Variants in CCDC102B observed in about 807,000 individuals in gnomAD.
CCDC102B encodes coiled-coil domain-containing protein 102B.
A neutral mutation model predicts 57.4 loss-of-function variants in CCDC102B; 75 were observed. The observed-to-expected ratio is 1.31, with a 90% CI of 1.08 to 1.58. The LOEUF (loss-of-function observed/expected upper bound fraction) is 1.58, where lower values mean the gene tolerates loss of function less well. Among genes scored for constraint, CCDC102B ranks in the 40% most tolerant of loss-of-function variants. The pLI is 0.00. For synonymous variants in CCDC102B, 206 were observed against 201.9 expected (o/e 1.02, Z -0.17); for missense variants, 636 against 582.6 (o/e 1.09, Z -0.94).
intron 1 of CCDC102B, among the ~76,000 whole-genome samples, chr18:68,809,626 G>A (rs544599243): frequency 4.2e-4 from 64 of 152,102 alleles, no homozygotes; most frequent in Non-Finnish European, 8.7e-4. Context: ...ATTTCCATGA[G>A]TCAGATTTTA....
intron 2 of CCDC102B, among the ~76,000 whole-genome samples, chr18:68,739,211 G>A (rs2145218784): frequency 6.6e-6 from 1 of 152,216 alleles, no homozygotes; most frequent in East Asian, 1.9e-4. Flanking sequence ...GGCCAGGCTG[G>A]TCTCAAACTC....
At chr18:68,812,539 T>G (rs987200051) in intron 1 of CCDC102B, among the ~76,000 whole-genome samples, 1 of 152,164 alleles carries the variant, frequency 6.6e-6, no homozygotes, top group African/African-American at 2.4e-5. Flanking sequence ...CTGAATAGCG[T>G]CTCTATAGTT....
intron 4 of CCDC102B, among the ~76,000 whole-genome samples, chr18:68,868,117 A>G (rs2039084265): frequency 6.6e-6 from 1 of 152,170 alleles, no homozygotes; most frequent in Non-Finnish European, 1.5e-5. Context: ...CCAAGTCCAT[A>G]TACCATTTTT....
rs140104003 is a variant in CCDC102B, at chr18:69,016,355, G to A, written c.1434+5251G>A. Among the ~76,000 whole-genome samples the A allele has an allele frequency of 1.8e-3, 270 of 152,218 alleles. 1 individual carries two copies. The highest frequency in any genetic ancestry group is 5.5e-3 in the African/African-American group (230 of 41,548). On this transcript the variant is annotated intron_variant, in intron 7 of 7. Transcript: ENST00000360242. ...ACAAGGTTAAGTCTCTAGTATCTAAGAGGCAATGAGTGCAACTTAAGCAAT... is the reference window on the plus strand; with the variant it reads ...ACAAGGTTAAGTCTCTAGTATCTAAAAGGCAATGAGTGCAACTTAAGCAAT...
In CCDC102B at chr18:68,841,985, C is replaced by T. The variant is rs115655822; in HGVS notation, c.827+3059C>T. Among the ~76,000 whole-genome samples the T allele has an allele frequency of 2.4e-3, 368 of 152,132 alleles. 4 individuals carry two copies. Among genetic ancestry groups the T allele is most frequent in the African/African-American group, 8.5e-3 (351 of 41,526 alleles). ...AACTCCTGGCCTCAAGTGATCTAAC[C>T]GCCTTGGCTTCCCAAAGTGCTAGGA... On this transcript the variant is annotated intron_variant, in intron 3 of 7. Coordinates refer to ENST00000360242, the MANE Select transcript of CCDC102B (RefSeq NM_024781.3).
chr18:68,739,193 G>A (rs1419051704), intron 2 of CCDC102B, among the ~76,000 whole-genome samples: 16 of 152,042 alleles, frequency 1.1e-4, no homozygotes, highest in South Asian at 4.2e-4. Context: ...ACGGGTTTTC[G>A]CTGTGTTGGC....
Position 68,790,295 on chromosome 18 carries a change from C to T in CCDC102B, c.-66-33071C>T, listed in dbSNP as rs2035392093. 2.0e-5 allele frequency among the ~76,000 whole-genome samples: 3 copies of T among 149,062 alleles called. No homozygotes were observed. The South Asian group carries it at 6.3e-4, about 31-fold the overall frequency. On this transcript the variant is annotated intron_variant, in intron 2 of 3. Coordinates refer to the CCDC102B transcript ENST00000578970. ...CTGCTGTCTTTTTGTTTGTCTGTGC[C>T]CTGCCCCCAGAGGTGGAGCGTACAG... is the stretch of plus-strand genomic sequence containing the variant.
intron 1 of CCDC102B, among the ~76,000 whole-genome samples, chr18:68,800,536 T>C (rs1404102090): frequency 6.6e-6 from 1 of 152,162 alleles, no homozygotes; most frequent in Admixed American, 6.5e-5. Flanking sequence ...TTACATTTTC[T>C]TAAATCTACT....
At chr18:68,745,602 C>T (rs1280425851) in intron 2 of CCDC102B, among the ~76,000 whole-genome samples, 2 of 151,966 alleles carry the variant, frequency 1.3e-5, no homozygotes, top group Non-Finnish European at 2.9e-5. Flanking sequence ...ATTAAAAATC[C>T]TCTCTTCCAG....
At chr18:68,815,119 A>T (rs1384089455) in intron 1 of CCDC102B, among the ~76,000 whole-genome samples, 1 of 152,094 alleles carries the variant, frequency 6.6e-6, no homozygotes, top group Non-Finnish European at 1.5e-5. Context: ...ATGATTTTTT[A>T]TTTGCTTGTT....
At chr18:69,017,239 G>T (rs748346745) in intron 7 of CCDC102B, among the ~76,000 whole-genome samples, 4 of 151,874 alleles carry the variant, frequency 2.6e-5, no homozygotes, top group African/African-American at 7.3e-5. Flanking sequence ...CCTCAGCCCC[G>T]CAAATAGCTG....
intron 4 of CCDC102B, among the ~76,000 whole-genome samples, chr18:68,854,488 C>T (rs894239021): frequency 1.1e-4 from 16 of 152,092 alleles, no homozygotes; most frequent in African/African-American, 3.9e-4. Context: ...TATACATATC[C>T]TCCATGAGTT....
At chr18:68,782,971 T>A (rs1377378287) in intron 2 of CCDC102B, among the ~76,000 whole-genome samples, 1 of 152,232 alleles carries the variant, frequency 6.6e-6, no homozygotes, top group African/African-American at 2.4e-5. Context: ...ATTGTTATTA[T>A]ACCTGCCATT....
chr18:68,985,007 A>C (rs907078093), intron 6 of CCDC102B, among the ~76,000 whole-genome samples: 1 of 152,122 alleles, frequency 6.6e-6, no homozygotes, highest in Non-Finnish European at 1.5e-5. Flanking sequence ...AATATATACT[A>C]TTTCTCAGCC....
intron 2 of CCDC102B, among the ~76,000 whole-genome samples, chr18:68,758,264 T>G (rs2034125902): frequency 6.6e-6 from 1 of 151,638 alleles, no homozygotes; most frequent in African/African-American, 2.4e-5. Context: ...TATATGTATA[T>G]AGAGGTATCA....
At chr18:68,761,293 A>C (rs976559259) in intron 2 of CCDC102B, among the ~76,000 whole-genome samples, 7 of 152,072 alleles carry the variant, frequency 4.6e-5, no homozygotes, top group South Asian at 2.1e-4. Context: ...TAGTTGTGAA[A>C]AAAGTCTTTA....
At chr18:68,826,865 A>G (rs2036923634) in intron 1 of CCDC102B, among the ~76,000 whole-genome samples, 1 of 152,166 alleles carries the variant, frequency 6.6e-6, no homozygotes, top group African/African-American at 2.4e-5. Context: ...TATATTTGAA[A>G]TTTATGGATA....
chr18:68,905,521 T>C (rs1001027297), intron 6 of CCDC102B, among the ~76,000 whole-genome samples: 1 of 151,500 alleles, frequency 6.6e-6, no homozygotes, highest in African/African-American at 2.4e-5. Context: ...TTTCATAACA[T>C]AAAATTAACC....
chr18:69,050,219 A>G (rs533652600), intron 7 of CCDC102B, among the ~76,000 whole-genome samples: 1 of 152,180 alleles, frequency 6.6e-6, no homozygotes, highest in African/African-American at 2.4e-5. Flanking sequence ...TATAATTTCA[A>G]TTTGTGAGTA....
Sources: gnomAD v4.1 joint callset for allele counts (sites outside exome capture counted in the v4.1 genomes callset) on GRCh38, gnomAD v4.1.1 for gene constraint, MANE v1.5 for transcripts, NCBI Gene and HGNC (gene_info 2026-07-23, HGNC 2026-07-21) for gene names.